The following TNR variants were observed in gnomAD, a reference collection of about 807,000 sequenced individuals.
TNR encodes the protein tenascin R.
In TNR, 45 loss-of-function variants were observed where a neutral mutation model predicts 150.4. That is an observed-to-expected ratio of 0.30 (90% confidence interval 0.24 to 0.38). TNR has a LOEUF of 0.38. TNR is among the 10% of genes least tolerant of loss of function. The probability of loss-of-function intolerance (pLI) is 1.00; values close to 1 mark genes in which losing one functional copy is unlikely to be tolerated. For synonymous variants in TNR, 687 were observed against 678.4 expected, an observed-to-expected ratio of 1.01 and a Z score of -0.20; for missense variants, 1,544 against 1,759.1, an observed-to-expected ratio of 0.88 and a Z score of 2.19.
rs55841648 is a variant in TNR at position 175,645,650 on chromosome 1, C to T, written c.-165+97576G>A. Among the ~76,000 whole-genome samples the T allele has an allele frequency of 5.5e-3, 836 of 152,274 alleles. 6 individuals are homozygous for T. The highest frequency in any genetic ancestry group is 0.024 in the East Asian group (125 of 5,192). On this transcript the variant is annotated intron_variant, in intron 1 of 22. Coordinates refer to ENST00000367674, the MANE Select transcript of TNR (RefSeq NM_003285.3). ...GTCATGGGCGTGATAACCAACACGA[C>T]TCAGTGAAGATATTTCTGCAGGGAA... is the stretch of plus-strand genomic sequence containing the variant.
chr1:175,503,784 C>A lies in TNR; in HGVS notation c.-64+24485G>T, dbSNP rs1486378741. Among the ~76,000 whole-genome samples the A allele has an allele frequency of 3.9e-5, 6 of 152,130 alleles. No homozygotes were observed. In the East Asian group the frequency reaches 1.2e-3, roughly 29 times the overall value. On this transcript the variant is annotated intron_variant, in intron 2 of 22. Coordinates refer to ENST00000367674, the MANE Select transcript of TNR (RefSeq NM_003285.3). ...GGGGAATGAAACTCCTGTAACAGAT[C>A]CTGGGAGGAGGGAGGAGACAAAGAG...
intron 1 of TNR, among the ~76,000 whole-genome samples, chr1:175,726,311 G>A (rs148921954): frequency 9.8e-4 from 149 of 152,312 alleles, no homozygotes; most frequent in African/African-American, 3.1e-3. Context: ...AGGAAATGAT[G>A]AGCAGCAATA....
At chr1:175,440,014 C>G (rs558506307) in intron 2 of TNR, among the ~76,000 whole-genome samples, 1 of 152,280 alleles carries the variant, frequency 6.6e-6, no homozygotes, top group South Asian at 2.1e-4. Context: ...ACCCAGCCAT[C>G]CCATTATTGG....
intron 1 of TNR, among the ~76,000 whole-genome samples, chr1:175,559,697 A>G (rs931397133): frequency 2.6e-5 from 4 of 152,332 alleles, no homozygotes; most frequent in Admixed American, 1.3e-4. Context: ...TTTCATAAAT[A>G]TACCACATTT....
At chr1:175,555,442 G>T (rs1443520751) in intron 1 of TNR, among the ~76,000 whole-genome samples, 7 of 150,608 alleles carry the variant, frequency 4.6e-5, no homozygotes, top group Admixed American at 4.6e-4. Flanking sequence ...ATTCCAGAGT[G>T]TTGATGAATG....
In TNR at chr1:175,403,283, T is replaced by C. The variant is rs559395364; in HGVS notation, c.833A>G (p.Asn278Ser). ...GCCCTCCTCGCATAAACAGGTACCGTTGGCACATCTCCCCTTCCCCGAACA... is the reference window on the plus strand; with the variant it reads ...GCCCTCCTCGCATAAACAGGTACCGCTGGCACATCTCCCCTTCCCCGAACA... ...GDCSGKGRCA[N>S]GTCLCEEGYV... is the part of the protein sequence containing the mutation. The change falls in exon 4 of 23, where the codon AAC becomes AGC. Residue 278 changes from asparagine to serine, a missense_variant. Physicochemically the swap from Asn to Ser is conservative, Grantham distance 46 (BLOSUM62 1). Transcript: ENST00000367674. The C allele has an allele frequency of 4.3e-6, 7 of 1,614,118 alleles. No individual in the cohort carries two copies. The South Asian group carries it at 6.6e-5, about 15-fold the overall frequency.
At position 175,697,807 on chromosome 1, in the gene TNR, T is replaced by C. The variant is rs373523787; in HGVS notation, c.-165+45419A>G. 4.6e-4 allele frequency among the ~76,000 whole-genome samples: 70 copies of C among 152,296 alleles called. No individual in the cohort carries two copies. The Middle Eastern group carries it at 0.01, about 22-fold the overall frequency. ...GAGTCCCCCCACATGTCAGGCCTCA[T>C]GCAAGCACCATTCCATGTGAGCCTC... On this transcript the variant is annotated intron_variant, in intron 1 of 22. Coordinates refer to ENST00000367674, the MANE Select transcript of TNR (RefSeq NM_003285.3).
chr1:175,535,190 G>A (rs1394435187), intron 1 of TNR, among the ~76,000 whole-genome samples: 1 of 152,182 alleles, frequency 6.6e-6, no homozygotes, highest in Non-Finnish European at 1.5e-5. Context: ...TATTTGTGGT[G>A]CTTAGAGTTG....
At chr1:175,372,058 C>T (rs12562114) in intron 9 of TNR, among the ~76,000 whole-genome samples, 174 of 152,234 alleles carry the variant, frequency 1.1e-3, no homozygotes, top group African/African-American at 3.9e-3. Context: ...AGTGAGTTCT[C>T]GTGAGATCTG....
Position 175,592,375 on chromosome 1 carries a change from A to G in TNR, c.-164-64006T>C, listed in dbSNP as rs532794506. Among the ~76,000 whole-genome samples the G allele has an allele frequency of 2.0e-5, 3 of 152,334 alleles. No individual in the cohort carries two copies. In the South Asian group the frequency reaches 6.2e-4, roughly 32 times the overall value. On this transcript the variant is annotated intron_variant, in intron 1 of 22. Transcript: ENST00000367674. ...CAAGTGATAAATAGGTGAGGAGCTC[A>G]CATATCTCAGGTTTGGCAATGCCAC... is the stretch of plus-strand genomic sequence containing the variant.
intron 2 of TNR, among the ~76,000 whole-genome samples, chr1:175,459,068 A>G (rs548754410): frequency 3.9e-5 from 6 of 151,984 alleles, no homozygotes; most frequent in African/African-American, 1.4e-4. Flanking sequence ...GACCACCACC[A>G]TCATCACCTC....
intron 1 of TNR, among the ~76,000 whole-genome samples, chr1:175,671,857 C>A (rs939130897): frequency 2.0e-5 from 3 of 151,840 alleles, no homozygotes; most frequent in Non-Finnish European, 4.4e-5. Flanking sequence ...CAAGCTGGCA[C>A]CTGTAGGCCC....
intron 1 of TNR, among the ~76,000 whole-genome samples, chr1:175,686,039 G>C (rs1415671290): frequency 6.6e-6 from 1 of 151,770 alleles, no homozygotes; most frequent in African/African-American, 2.4e-5. Flanking sequence ...TCTCAATTTT[G>C]ATTGCACGCA....
chr1:175,663,336 A>G (rs1190803529), intron 1 of TNR, among the ~76,000 whole-genome samples: 2 of 152,336 alleles, frequency 1.3e-5, no homozygotes, highest in East Asian at 3.9e-4. Context: ...ATGAGGGAGA[A>G]GAGAACTGCA....
chr1:175,704,697 C>G (rs1157133522), intron 1 of TNR, among the ~76,000 whole-genome samples: 6 of 152,190 alleles, frequency 3.9e-5, no homozygotes, highest in Non-Finnish European at 7.3e-5. Flanking sequence ...TGTATTTTTG[C>G]TGCAGCAGCT....
chr1:175,410,827 GACATGTCATGTGAGA>G (rs1654179702), intron 2 of TNR, among the ~76,000 whole-genome samples: 2 of 152,192 alleles, frequency 1.3e-5, no homozygotes, highest in Admixed American at 6.5e-5. Flanking sequence ...ACTCACAGTG[GACATGTCATGTGAGA>G]ACATGTCATG....
chr1:175,391,805 A>T (rs1481169489), intron 6 of TNR, among the ~76,000 whole-genome samples: 1 of 152,256 alleles, frequency 6.6e-6, no homozygotes, highest in East Asian at 1.9e-4. Context: ...GGTTTTTGGC[A>T]TTTATCGTAA....
At chr1:175,331,017 C>CTTTCTTTCTTTCTTTCTTTCTTTCTTTCT (rs1649739041) in intron 20 of TNR, among the ~76,000 whole-genome samples, 1 of 59,326 alleles carries the variant, frequency 1.7e-5, no homozygotes, top group African/African-American at 6.0e-5. Flanking sequence ...TTCTTTCTTT[C>CTTTCTTTCTTTCTTTCTTTCTTTCTTTCT]TTTCTTTCTT....
intron 2 of TNR, among the ~76,000 whole-genome samples, chr1:175,423,736 T>G (rs1654851707): frequency 6.6e-6 from 1 of 152,176 alleles, no homozygotes; most frequent in Non-Finnish European, 1.5e-5. Context: ...CAGGCTGGCC[T>G]GAGCAGGGCT....
Sources: allele counts gnomAD v4.1 joint callset (sites outside exome capture counted in the v4.1 genomes callset), GRCh38; gene constraint gnomAD v4.1.1; transcripts MANE v1.5; gene names NCBI Gene and HGNC (gene_info 2026-07-23, HGNC 2026-07-21).